Variants in PCDHGA3 observed in about 807,000 individuals in gnomAD.
PCDHGA3 encodes the protein protocadherin gamma subfamily A, 3.
In PCDHGA3, 40 loss-of-function variants were observed where a neutral mutation model predicts 58.5. That is an observed-to-expected ratio of 0.68 (90% CI 0.53 to 0.89). PCDHGA3 has a LOEUF of 0.89. Ranked by LOEUF, PCDHGA3 falls within the 40% of genes least tolerant of loss-of-function variation. PCDHGA3 has a pLI of 0.00. For synonymous variants in PCDHGA3, 530 were observed against 525.7 expected, an observed-to-expected ratio of 1.01 and a Z score of -0.11; for missense variants, 1,223 against 1,195.9, an observed-to-expected ratio of 1.02 and a Z score of -0.33.
intron 1 of PCDHGA3, chr5:141,379,270 GATTT>G (rs1013953164): frequency 5.3e-5 from 8 of 152,170 alleles, no homozygotes; most frequent in African/African-American, 7.2e-5. Context: ...AATTGTTATA[GATTT>G]ATTTATTTCA....
chr5:141,374,906 G>A (rs1200666906), intron 1 of PCDHGA3: 5 of 1,613,650 alleles, frequency 3.1e-6, no homozygotes, highest in South Asian at 2.2e-5. Context: ...AGGAGTCCAC[G>A]GGGAAGTAAC....
intron 1 of PCDHGA3, chr5:141,350,536 T>C: frequency 6.2e-7 from 1 of 1,613,990 alleles, no homozygotes; most frequent in Non-Finnish European, 8.5e-7. Context: ...GAGAGAAGAT[T>C]TGCGGAAGGA....
chr5:141,481,317 C>T (rs2099535550), intron 1 of PCDHGA3, among the ~76,000 whole-genome samples: 1 of 152,182 alleles, frequency 6.6e-6, no homozygotes, highest in African/African-American at 2.4e-5. Context: ...CTTCCTAAAG[C>T]ACTAGCCCCT....
chr5:141,477,258 C>A lies in PCDHGA3; in HGVS notation c.2425-17549C>A. ...TTGCTCAGTGTGACTGACCTGGATG[C>A]TGGCGAGAACGGGCTGGTGACCTGC... On this transcript the variant is annotated intron_variant, in intron 1 of 3. Coordinates refer to ENST00000253812, the MANE Select transcript of PCDHGA3 (RefSeq NM_018916.4). The surrounding 1 kb of genome is among the most constrained non-coding windows in gnomAD (Gnocchi z 4.9). 6.2e-7 allele frequency: 1 copy of A among 1,614,208 alleles called. No homozygotes were observed. Among genetic ancestry groups the A allele is most frequent in the Non-Finnish European group, 8.5e-7 (1 of 1,180,042 alleles).
Position 141,489,828 on chromosome 5 carries a change from A to G in PCDHGA3, c.2425-4979A>G. The G allele has an allele frequency of 1.9e-6, 3 of 1,614,010 alleles. No homozygotes were observed. The highest frequency in any genetic ancestry group is 1.1e-5 in the South Asian group (1 of 91,080). ...GGAAGCCATTCCCAGAGCTGGTGCTAGAGCAGCAGCTGGATCGTGAAGCCC... is the reference window on the plus strand; with the variant it reads ...GGAAGCCATTCCCAGAGCTGGTGCTGGAGCAGCAGCTGGATCGTGAAGCCC... On this transcript the variant is annotated intron_variant, in intron 1 of 3. Transcript: ENST00000253812. The surrounding 1 kb of genome is among the most constrained non-coding windows in gnomAD (Gnocchi z 4.5).
rs1419365808 is a variant in PCDHGA3 at position 141,477,321 on chromosome 5, C to G, written c.2425-17486C>G. 1.2e-6 allele frequency: 2 copies of G among 1,614,160 alleles called. No homozygotes were observed. Among genetic ancestry groups the G allele is most frequent in the East Asian group, 4.5e-5 (2 of 44,874 alleles). On this transcript the variant is annotated intron_variant, in intron 1 of 3. Coordinates refer to ENST00000253812, the MANE Select transcript of PCDHGA3 (RefSeq NM_018916.4). The surrounding 1 kb of genome is among the most constrained non-coding windows in gnomAD (Gnocchi z 4.9). Reference sequence around the variant, plus strand: ...GGTCTCCCTTTCAGCCTTACTTCTTCCCTCAAGAATTACTTCACTTTGAAA... The same window carrying G: ...GGTCTCCCTTTCAGCCTTACTTCTTGCCTCAAGAATTACTTCACTTTGAAA...
intron 1 of PCDHGA3, chr5:141,364,748 G>A: frequency 1.2e-6 from 2 of 1,613,978 alleles, no homozygotes; most frequent in South Asian, 1.1e-5. Flanking sequence ...AGAGTTAAAA[G>A]TAAAAGTTAA....
intron 1 of PCDHGA3, chr5:141,419,646 C>T (rs1433992932): frequency 6.2e-7 from 1 of 1,612,470 alleles, no homozygotes; most frequent in Admixed American, 1.7e-5. Flanking sequence ...GCCGTGGACG[C>T]GGACTCGGGG....
intron 1 of PCDHGA3, chr5:141,398,411 T>C (rs1346480691): frequency 6.8e-7 from 1 of 1,478,640 alleles, no homozygotes; most frequent in South Asian, 1.1e-5. Context: ...AGGGAGGAGA[T>C]ATGCGGGAAG....
intron 1 of PCDHGA3, among the ~76,000 whole-genome samples, chr5:141,420,686 C>T (rs781004859): frequency 1.3e-4 from 20 of 152,258 alleles, no homozygotes; most frequent in Admixed American, 4.6e-4. Context: ...TTATCGGGAC[C>T]GTATTATTTC....
chr5:141,356,876 T>A, intron 1 of PCDHGA3: 1 of 1,614,184 alleles, frequency 6.2e-7, no homozygotes, highest in Non-Finnish European at 8.5e-7. Context: ...AACGACAATG[T>A]CCCTGAGATC....
chr5:141,491,353 T>A lies in PCDHGA3; in HGVS notation c.2425-3454T>A. On this transcript the variant is annotated intron_variant, in intron 1 of 3. Coordinates refer to ENST00000253812, the MANE Select transcript of PCDHGA3 (RefSeq NM_018916.4). This position sits in a 1 kb window ranked among gnomAD's most constrained non-coding sequence, Gnocchi z 6.9. ...GGCTCTAGCGACCGTCAGTCTCTTATCCCTAGTCACCTTCACCTTTCTGTC... is the reference window on the plus strand; with the variant it reads ...GGCTCTAGCGACCGTCAGTCTCTTAACCCTAGTCACCTTCACCTTTCTGTC... The A allele has an allele frequency of 6.2e-7, 1 of 1,614,160 alleles. No homozygotes were observed. Among genetic ancestry groups the A allele is most frequent in the South Asian group, 1.1e-5 (1 of 91,080 alleles).
chr5:141,490,822 C>T lies in PCDHGA3; in HGVS notation c.2425-3985C>T. ...GCGTACCTTTGACTATGAATTGCTG[C>T]AGATGCTGCAGATTGTGGTGGGGGT... On this transcript the variant is annotated intron_variant, in intron 1 of 3. Coordinates refer to ENST00000253812, the MANE Select transcript of PCDHGA3 (RefSeq NM_018916.4). This position sits in a 1 kb window ranked among gnomAD's most constrained non-coding sequence, Gnocchi z 5.4. 2 of 1,613,842 alleles carry T rather than the reference C, an allele frequency of 1.2e-6. No individual in the cohort carries two copies. Among genetic ancestry groups the T allele is most frequent in the Non-Finnish European group, 1.7e-6 (2 of 1,179,790 alleles).
intron 1 of PCDHGA3, chr5:141,361,589 G>A (rs768038039): frequency 1.2e-6 from 2 of 1,614,024 alleles, no homozygotes; most frequent in Non-Finnish European, 1.7e-6. Flanking sequence ...GGCCCCAGTG[G>A]CCAAGTTTCC....
At chr5:141,405,403 T>A (rs1430892971) in intron 1 of PCDHGA3, 2 of 1,586,108 alleles carry the variant, frequency 1.3e-6, no homozygotes, top group Non-Finnish European at 1.7e-6. Flanking sequence ...TCTTTCTTTC[T>A]TTTCTTTTTT....
chr5:141,413,218 A>G, intron 1 of PCDHGA3: 1 of 1,613,610 alleles, frequency 6.2e-7, no homozygotes. Flanking sequence ...AAAGGATTGC[A>G]GCGGGCTGGT....
intron 1 of PCDHGA3, among the ~76,000 whole-genome samples, chr5:141,488,613 A>C (rs1214413025): frequency 1.3e-5 from 2 of 152,158 alleles, no homozygotes; most frequent in Non-Finnish European, 2.9e-5. Flanking sequence ...GTTCTTACTA[A>C]TCTTTTCTCT....
Position 141,485,399 on chromosome 5 carries a change from C to T in PCDHGA3, c.2425-9408C>T. On this transcript the variant is annotated intron_variant, in intron 1 of 3. Coordinates refer to ENST00000253812, the MANE Select transcript of PCDHGA3 (RefSeq NM_018916.4). This position sits in a 1 kb window ranked among gnomAD's most constrained non-coding sequence, Gnocchi z 5.7. ...TGGAGAGGTGAACCAAAGACACTTC[C>T]GTGTGGATTTGGACAGCGGAGCCCT... 3 of 1,614,000 alleles carry T rather than the reference C, an allele frequency of 1.9e-6. No homozygotes were observed. The highest frequency in any genetic ancestry group is 2.5e-6 in the Non-Finnish European group (3 of 1,179,922).
chr5:141,484,121 C>A (rs1451102473), intron 1 of PCDHGA3, among the ~76,000 whole-genome samples: 1 of 152,152 alleles, frequency 6.6e-6, no homozygotes, highest in African/African-American at 2.4e-5. Context: ...TCAAGAATAC[C>A]TTGGTGTCAG....
Sources: gnomAD v4.1 joint callset for allele counts (sites outside exome capture counted in the v4.1 genomes callset) on GRCh38, gnomAD v4.1.1 for gene constraint, Gnocchi (gnomAD v3.1) non-coding constraint, MANE v1.5 for transcripts, NCBI Gene and HGNC (gene_info 2026-07-23, HGNC 2026-07-21) for gene names.